Variants in KAT7 observed in about 807,000 individuals in gnomAD.
The protein encoded by KAT7 is histone acetyltransferase KAT7.
A neutral mutation model predicts 82.1 loss-of-function variants in KAT7; 10 were observed. The ratio of observed to expected loss-of-function variants is 0.12; its 90% CI spans 0.08 to 0.21. The LOEUF (loss-of-function observed/expected upper bound fraction) is 0.21, where lower values mean the gene tolerates loss of function less well. Ranked by LOEUF, KAT7 falls within the 10% of genes least tolerant of loss-of-function variation. The pLI, the probability that KAT7 is intolerant of heterozygous loss-of-function variation, is 1.00. For missense variants in KAT7, 378 were observed against 760.9 expected, an observed-to-expected ratio of 0.50 and a Z score of 5.92; for synonymous variants, 250 against 262.5, an observed-to-expected ratio of 0.95 and a Z score of 0.46.
At chr17:49,797,912 C>G (rs2073977060) in intron 3 of KAT7, among the ~76,000 whole-genome samples, 1 of 152,196 alleles carries the variant, frequency 6.6e-6, no homozygotes, top group Non-Finnish European at 1.5e-5. Flanking sequence ...ACTCAAGACT[C>G]TAAGTCCATT....
chr17:49,792,067 C>T (rs776077608), intron 2 of KAT7, 34 bp downstream of exon 2: 1 of 1,601,776 alleles, frequency 6.2e-7, no homozygotes, highest in Non-Finnish European at 8.5e-7. Context: ...TACCACTCCT[C>T]ACATCTGGCT....
chr17:49,826,473 G>C (rs947368306), intron 13 of KAT7: 2 of 528,850 alleles, frequency 3.8e-6, no homozygotes, highest in Non-Finnish European at 3.4e-6. Flanking sequence ...ATTTGATCCT[G>C]ATTTCTAAGG....
Position 49,831,749 on chromosome 17 carries a change from C to T in KAT7, c.*4247C>T, listed in dbSNP as rs562783615. On this transcript the variant is annotated 3_prime_UTR_variant, in exon 15 of 15. Coordinates refer to ENST00000259021, the MANE Select transcript of KAT7 (RefSeq NM_007067.5). Reference sequence around the variant, plus strand: ...GATCTTGGCTCACTGCAAGCTCTGCCTCCCGGGTTCATGCCATTCTTCTGC... The same window carrying T: ...GATCTTGGCTCACTGCAAGCTCTGCTTCCCGGGTTCATGCCATTCTTCTGC... 28 of 152,246 alleles carry T rather than the reference C, an allele frequency of 1.8e-4. No homozygotes were observed. The highest frequency in any genetic ancestry group is 6.7e-4 in the African/African-American group (28 of 41,522). The allele number at this position is 152,246 out of a possible 1,614,324, so 9.4% of individuals were successfully genotyped here.
In KAT7 at chr17:49,834,132, A is replaced by G. The variant is rs1287935828; in HGVS notation, c.*6630A>G. On this transcript the variant is annotated 3_prime_UTR_variant, in exon 15 of 15. Coordinates refer to ENST00000259021, the MANE Select transcript of KAT7 (RefSeq NM_007067.5). ...GGAAAACTGAAGAATATCCTTCTGT[A>G]TGTATGTATGTATTTATTGATTGAT... 1 of 152,186 alleles carries G rather than the reference A, an allele frequency of 6.6e-6. No individual in the cohort carries two copies. Among genetic ancestry groups the G allele is most frequent in the African/African-American group, 2.4e-5 (1 of 41,458 alleles). The allele number at this position is 152,186 out of a possible 1,614,324, so 9.4% of individuals were successfully genotyped here. A position where few individuals can be genotyped will look rare whatever the true frequency, so the allele number is the denominator to read the frequency against.
intron 5 of KAT7, 47 bp downstream of exon 5, chr17:49,805,492 C>T (rs1029680544): frequency 9.9e-6 from 14 of 1,413,128 alleles, no homozygotes; most frequent in African/African-American, 2.8e-5. Context: ...GAGTGCTTAC[C>T]GTTTGCCAGG....
At chr17:49,791,798 A>T in intron 1 of KAT7, 88 bp from the exon 2 acceptor site, 1 of 1,332,732 alleles carries the variant, frequency 7.5e-7, no homozygotes, top group African/African-American at 1.4e-5. Context: ...TGGGGTTTTC[A>T]GTGTCACAGC....
intron 8 of KAT7, among the ~76,000 whole-genome samples, chr17:49,817,350 G>A (rs1473482537): frequency 1.3e-5 from 2 of 152,100 alleles, no homozygotes; most frequent in African/African-American, 2.4e-5. Flanking sequence ...TAAGTTTTCT[G>A]TACACCTGTG....
intron 4 of KAT7, among the ~76,000 whole-genome samples, chr17:49,804,826 T>G (rs543411788): frequency 6.6e-6 from 1 of 152,246 alleles, no homozygotes; most frequent in South Asian, 2.1e-4. Flanking sequence ...AACTCAGTTC[T>G]CCCTCCAAAA....
At chr17:49,800,406 G>C (rs1445368431) in intron 4 of KAT7, among the ~76,000 whole-genome samples, 1 of 152,134 alleles carries the variant, frequency 6.6e-6, no homozygotes, top group Non-Finnish European at 1.5e-5. Context: ...GTCACTCGAA[G>C]ATAATTGTTT....
rs760731755 is a variant in KAT7 at position 49,796,855 on chromosome 17, A to G, written c.269A>G (p.Lys90Arg). Reference protein sequence around the residue: ...SQQQPTPVTPKKYPLRQTRSS... With the variant: ...SQQQPTPVTPRKYPLRQTRSS... ...CAGCAGCCTACCCCAGTGACACCGA[A>G]AAAATACCCTCTTCGGCAGACTCGT... Residue 90 changes from lysine to arginine, a missense_variant, in exon 3 of 15, where the codon AAA (lysine) becomes AGA (arginine). By Grantham distance (26) the Lys-to-Arg change is conservative. Around this residue, in one of 6 missense-constraint regions of KAT7, gnomAD observed 161 missense variants for 229.6 expected, o/e 0.70. Coordinates refer to ENST00000259021, the MANE Select transcript of KAT7 (RefSeq NM_007067.5). The G allele has an allele frequency of 1.9e-6, 3 of 1,614,212 alleles. No individual in the cohort carries two copies. Among genetic ancestry groups the G allele is most frequent in the Non-Finnish European group, 2.5e-6 (3 of 1,180,030 alleles).
intron 5 of KAT7, among the ~76,000 whole-genome samples, chr17:49,806,764 T>C (rs895307635): frequency 7.2e-5 from 11 of 152,196 alleles, no homozygotes; most frequent in African/African-American, 2.7e-4. Flanking sequence ...AAAAGAAAAA[T>C]TTCAGTTTGG....
chr17:49,819,703 G>A (rs1428900865), intron 9 of KAT7, among the ~76,000 whole-genome samples: 1 of 152,088 alleles, frequency 6.6e-6, no homozygotes, highest in Non-Finnish European at 1.5e-5. Flanking sequence ...TCTTATTCCC[G>A]TTGCTTCAGG....
intron 11 of KAT7, among the ~76,000 whole-genome samples, chr17:49,822,918 G>A (rs865793245): frequency 2.0e-5 from 3 of 152,076 alleles, no homozygotes; most frequent in Non-Finnish European, 4.4e-5. Flanking sequence ...TCTATATACT[G>A]AGTCAGCAGT....
At chr17:49,807,875 C>G (rs1453355069) in intron 5 of KAT7, among the ~76,000 whole-genome samples, 2 of 152,118 alleles carry the variant, frequency 1.3e-5, no homozygotes, top group Non-Finnish European at 2.9e-5. Flanking sequence ...TTGACTGGAT[C>G]AGCTATTTAG....
chr17:49,826,549 T>C lies in KAT7; in HGVS notation c.1628-144T>C, dbSNP rs568289190. The C allele has an allele frequency of 1.1e-5, 7 of 639,732 alleles. No individual in the cohort carries two copies. The East Asian group carries it at 1.3e-4, about 12-fold the overall frequency. The allele number at this position is 639,732 out of a possible 1,614,324, so 39.6% of individuals were successfully genotyped here. A position where few individuals can be genotyped will look rare whatever the true frequency, so the allele number is the denominator to read the frequency against. Reference sequence around the variant, plus strand: ...ATTTGGACTGGTCAAATGAATACTTTGTAAACTCCTTCTAAACAGATTGGG... The same window carrying C: ...ATTTGGACTGGTCAAATGAATACTTCGTAAACTCCTTCTAAACAGATTGGG... On this transcript the variant is annotated intron_variant, in intron 13 of 14. Coordinates refer to ENST00000259021, the MANE Select transcript of KAT7 (RefSeq NM_007067.5).
At chr17:49,800,016 T>TG (rs2074003398) in intron 4 of KAT7, among the ~76,000 whole-genome samples, 1 of 143,786 alleles carries the variant, frequency 7.0e-6, no homozygotes, top group Admixed American at 6.9e-5. Context: ...TGGCCTTTTT[T>TG]TTTTTTTTTT....
At position 49,830,303 on chromosome 17, in the gene KAT7, C is replaced by T. The variant is rs2074414976; in HGVS notation, c.*2801C>T. The T allele has an allele frequency of 6.7e-6, 1 of 149,966 alleles. No homozygotes were observed. The highest frequency in any genetic ancestry group is 2.5e-5 in the African/African-American group (1 of 40,288). 9.3% of individuals were successfully genotyped at this position (149,966 alleles called of 1,614,324 possible). Reference sequence around the variant, plus strand: ...CTGCCTCCTGGATTCCAGTGATTCTCCTGCCTCAGCCTCTCAAGTAGCTGG... The same window carrying T: ...CTGCCTCCTGGATTCCAGTGATTCTTCTGCCTCAGCCTCTCAAGTAGCTGG... On this transcript the variant is annotated 3_prime_UTR_variant, in exon 15 of 15. Transcript: ENST00000259021.
At chr17:49,815,666 C>T in intron 7 of KAT7, 137 bp from the exon 8 acceptor site, 2 of 591,906 alleles carry the variant, frequency 3.4e-6, no homozygotes, top group Non-Finnish European at 6.1e-6. Flanking sequence ...GTCTTGTGCT[C>T]AATCCCTAGC....
In KAT7 at chr17:49,796,754, C is replaced by T; in HGVS notation, c.168C>T (p.Ser56=). The T allele has an allele frequency of 1.2e-6, 2 of 1,601,094 alleles. No individual in the cohort carries two copies. Among genetic ancestry groups the T allele is most frequent in the African/African-American group, 1.3e-5 (1 of 74,618 alleles). The part of the protein sequence containing the change: ...SARLSQSSQD[S]SPVRNLQSFG... ...TTCTTTTAAAATTGGGATCAGATTC[C>T]AGTCCTGTTCGAAATCTGCAGTCTT... Residue 56 remains serine (S), a synonymous_variant, in exon 3 of 15, where the codon TCC becomes TCT. Coordinates refer to ENST00000259021, the MANE Select transcript of KAT7 (RefSeq NM_007067.5).
Sources: allele counts gnomAD v4.1 joint callset (sites outside exome capture counted in the v4.1 genomes callset), GRCh38; gene constraint gnomAD v4.1.1; regional missense constraint gnomAD v4.1.1; transcripts MANE v1.5; gene names NCBI Gene and HGNC (gene_info 2026-07-23, HGNC 2026-07-21).